Variants in RBFOX1 observed in about 807,000 individuals in gnomAD.
The protein encoded by RBFOX1 is RNA binding protein fox-1 homolog 1.
Under a neutral mutation model 57.7 loss-of-function variants are expected in RBFOX1, and 8 were observed. The observed-to-expected ratio is 0.14, with a 90% confidence interval of 0.08 to 0.25. The LOEUF (loss-of-function observed/expected upper bound fraction) is 0.25. Among genes scored for constraint, RBFOX1 ranks in the 10% least tolerant of loss-of-function variants. RBFOX1 has a pLI of 1.00. For synonymous variants in RBFOX1, 326 were observed against 222.4 expected, an observed-to-expected ratio of 1.47 and a Z score of -4.15; for missense variants, 611 against 548.5, an observed-to-expected ratio of 1.11 and a Z score of -1.14.
intron 4 of RBFOX1, among the ~76,000 whole-genome samples, chr16:7,082,058 G>A (rs1207330770): frequency 1.3e-5 from 2 of 152,270 alleles, no homozygotes; most frequent in East Asian, 3.9e-4. Flanking sequence ...GGTTCATAGT[G>A]ATGGTCGGTG....
chr16:5,603,652 A>G (rs1358923361), downstream of RBFOX1, among the ~76,000 whole-genome samples: 2 of 152,218 alleles, frequency 1.3e-5, no homozygotes, highest in East Asian at 1.9e-4. Context: ...ATTATTAGAA[A>G]AAATGAGGGT....
chr16:6,335,938 A>G (rs573274837), intron 2 of RBFOX1, among the ~76,000 whole-genome samples: 46 of 150,530 alleles, frequency 3.1e-4, no homozygotes, highest in African/African-American at 9.9e-4. Flanking sequence ...CCAGCCTCAC[A>G]GTAGGCAGTG....
chr16:5,694,480 G>C (rs2050789107), intron 3 of RBFOX1, among the ~76,000 whole-genome samples: 1 of 152,104 alleles, frequency 6.6e-6, no homozygotes, highest in African/African-American at 2.4e-5. Flanking sequence ...GAAATCGGTA[G>C]GCATTTCTGG....
intron 4 of RBFOX1, among the ~76,000 whole-genome samples, chr16:7,188,763 A>G (rs78448224): frequency 0.026 from 3,962 of 152,284 alleles, 156 homozygotes; most frequent in African/African-American, 0.091. Flanking sequence ...TAATTGTCAA[A>G]AGTAAGACCG....
In RBFOX1 at chr16:5,348,460, C is replaced by T. The variant is rs144293777; in HGVS notation, c.219+108355C>T. On this transcript the variant is annotated intron_variant, in intron 1 of 2. Coordinates refer to the RBFOX1 transcript ENST00000585867. ...TCATATGAAGTAGGCACTATTATCACATCTCCACTTACAGATGAGGAAACA... is the reference window on the plus strand; with the variant it reads ...TCATATGAAGTAGGCACTATTATCATATCTCCACTTACAGATGAGGAAACA... Among the ~76,000 whole-genome samples the T allele has an allele frequency of 3.6e-3, 542 of 152,308 alleles. 2 individuals carry two copies. Among genetic ancestry groups the T allele is most frequent in the African/African-American group, 0.013 (523 of 41,572 alleles).
intron 4 of RBFOX1, among the ~76,000 whole-genome samples, chr16:7,161,167 G>T (rs1208222240): frequency 1.3e-5 from 2 of 152,230 alleles, no homozygotes; most frequent in East Asian, 1.9e-4. Context: ...ATCTCTGGGT[G>T]ATTGGAAGTG....
In RBFOX1 at chr16:6,862,150, C is replaced by T. The variant is rs147960492; in HGVS notation, c.-15-189907C>T. ...CAACAATAACAACAAAAGAGTTTTT[C>T]ATTTAGATTGTGAAGGGCTTGCTGT... On this transcript the variant is annotated intron_variant, in intron 3 of 15. Coordinates refer to ENST00000550418, the MANE Select transcript of RBFOX1 (RefSeq NM_018723.4). Among the ~76,000 whole-genome samples the T allele has an allele frequency of 5.7e-3, 864 of 152,198 alleles. 14 individuals are homozygous for T. The highest frequency in any genetic ancestry group is 0.02 in the African/African-American group (817 of 41,514).
At chr16:7,481,997 C>G (rs1006650003) in intron 4 of RBFOX1, among the ~76,000 whole-genome samples, 3 of 152,222 alleles carry the variant, frequency 2.0e-5, no homozygotes, top group Non-Finnish European at 2.9e-5. Context: ...AATGATTTCA[C>G]TTTCACACCA....
intron 2 of RBFOX1, among the ~76,000 whole-genome samples, chr16:6,554,732 AC>A (rs2097061474): frequency 3.1e-4 from 1 of 3,262 alleles, no homozygotes; most frequent in African/African-American, 3.6e-4. Context: ...ACAGACACAC[AC>A]ACACACACAC....
At chr16:6,137,204 G>A (rs961068176) in intron 1 of RBFOX1, among the ~76,000 whole-genome samples, 1 of 152,198 alleles carries the variant, frequency 6.6e-6, no homozygotes, top group African/African-American at 2.4e-5. Flanking sequence ...AACATCCAGT[G>A]GTGGTAAGTT....
chr16:6,345,860 A>G (rs1183858472), intron 2 of RBFOX1, among the ~76,000 whole-genome samples: 1 of 152,166 alleles, frequency 6.6e-6, no homozygotes, highest in Non-Finnish European at 1.5e-5. Context: ...GGTTTTCTAC[A>G]TTTTAGGGAA....
chr16:6,897,988 G>C (rs1240358376), intron 3 of RBFOX1, among the ~76,000 whole-genome samples: 2 of 152,066 alleles, frequency 1.3e-5, no homozygotes, highest in African/African-American at 4.8e-5. Context: ...CTGTAACTCT[G>C]CTAAACTACA....
At chr16:6,824,187 C>T (rs1272342839) in intron 3 of RBFOX1, among the ~76,000 whole-genome samples, 2 of 152,172 alleles carry the variant, frequency 1.3e-5, no homozygotes, top group African/African-American at 4.8e-5. Context: ...GGTGGATCAC[C>T]TGAGGTCAGG....
intron 4 of RBFOX1, among the ~76,000 whole-genome samples, chr16:5,910,141 G>C (rs936107765): frequency 6.6e-6 from 1 of 152,102 alleles, no homozygotes; most frequent in African/African-American, 2.4e-5. Context: ...GAGGCAACTT[G>C]ATCACATGGG....
At chr16:7,102,451 A>T (rs1191934848) in intron 4 of RBFOX1, among the ~76,000 whole-genome samples, 3 of 152,182 alleles carry the variant, frequency 2.0e-5, no homozygotes, top group African/African-American at 7.2e-5. Context: ...AGAAAGAATA[A>T]AACATGCCAG....
chr16:5,945,981 G>C (rs898878402), intron 4 of RBFOX1, among the ~76,000 whole-genome samples: 3 of 152,124 alleles, frequency 2.0e-5, no homozygotes, highest in African/African-American at 7.2e-5. Flanking sequence ...CTAGTACCAG[G>C]GAATGGAACA....
In RBFOX1 at chr16:5,970,004, G is replaced by A. The variant is rs115787888; in HGVS notation, c.351+102669G>A. Among the ~76,000 whole-genome samples the A allele has an allele frequency of 6.7e-3, 1,021 of 152,180 alleles. 15 individuals carry two copies. The highest frequency in any genetic ancestry group is 0.023 in the African/African-American group (942 of 41,558). ...ATACGTTGTGTTCACTCACCGTTGG[G>A]TTGGGAAATACTCTTCCTAGTTCAG... On this transcript the variant is annotated intron_variant, in intron 4 of 19. Transcript: ENST00000641259.
At chr16:5,995,408 A>G (rs891588462) in intron 4 of RBFOX1, among the ~76,000 whole-genome samples, 7 of 152,174 alleles carry the variant, frequency 4.6e-5, no homozygotes, top group African/African-American at 1.4e-4. Flanking sequence ...TTAGAGTCCT[A>G]CCAGAAGAGC....
chr16:6,020,068 A>G, intron 1 of RBFOX1, 76 bp downstream of exon 1: 1 of 1,344,076 alleles, frequency 7.4e-7, no homozygotes, highest in South Asian at 1.8e-5. Flanking sequence ...TCATGGAGGG[A>G]AGCGCTAGGT....
Sources: gnomAD v4.1 joint callset for allele counts (sites outside exome capture counted in the v4.1 genomes callset) on GRCh38, gnomAD v4.1.1 for gene constraint, MANE v1.5 for transcripts, NCBI Gene and HGNC (gene_info 2026-07-23, HGNC 2026-07-21) for gene names.